The following KIAA0825 variants were observed in gnomAD, a reference collection of about 807,000 sequenced individuals.
KIAA0825 encodes the protein KIAA0825, also known as uncharacterized protein KIAA0825.
KIAA0825 carries 119 observed loss-of-function variants against 147.6 expected under a neutral mutation model. The observed-to-expected ratio is 0.81, with a 90% CI of 0.69 to 0.94. The LOEUF (loss-of-function observed/expected upper bound fraction) is 0.94, where lower values mean the gene tolerates loss of function less well. KIAA0825 is among the 40% of genes least tolerant of loss of function. The probability of loss-of-function intolerance (pLI) is 0.00; values close to 1 mark genes in which losing one functional copy is unlikely to be tolerated. For missense variants in KIAA0825, 1,381 were observed against 1,472.7 expected, an observed-to-expected ratio of 0.94 and a Z score of 1.02; for synonymous variants, 470 against 518.1, an observed-to-expected ratio of 0.91 and a Z score of 1.26.
intron 20 of KIAA0825, among the ~76,000 whole-genome samples, chr5:94,236,174 A>G (rs1294743280): frequency 6.6e-6 from 1 of 152,252 alleles, no homozygotes; most frequent in Non-Finnish European, 1.5e-5. Context: ...AAGTCACTTG[A>G]AATCCACCTG....
chr5:94,571,222 G>A (rs754735272), intron 2 of KIAA0825, among the ~76,000 whole-genome samples: 1 of 152,156 alleles, frequency 6.6e-6, no homozygotes. Context: ...TATCATTGAT[G>A]TTGCAGTTTG....
chr5:94,604,771 C>T (rs980832307), intron 1 of KIAA0825, among the ~76,000 whole-genome samples: 1 of 152,094 alleles, frequency 6.6e-6, no homozygotes, highest in Admixed American at 6.6e-5. Flanking sequence ...ATTTATAGCA[C>T]TAAATGCCTA....
In KIAA0825 at chr5:94,386,583, A is replaced by G. The variant is rs1396658687; in HGVS notation, c.3457-179T>C. On this transcript the variant is annotated intron_variant, in intron 18 of 20. Coordinates refer to ENST00000682413, the MANE Select transcript of KIAA0825 (RefSeq NM_001145678.3). Reference sequence around the variant, plus strand: ...TAGTAGAGTACCAATCAGCATTGCAATAAACCCATCAAAAACAGGTTTACC... The same window carrying G: ...TAGTAGAGTACCAATCAGCATTGCAGTAAACCCATCAAAAACAGGTTTACC... Among the ~76,000 whole-genome samples, 66 of 152,200 alleles carry G rather than the reference A, an allele frequency of 4.3e-4. 1 individual carries two copies. Among genetic ancestry groups the G allele is most frequent in the Admixed American group, 4.3e-3 (66 of 15,278 alleles).
In KIAA0825 at chr5:94,452,986, ATGCAAGAAACC is replaced by A. The variant is rs1758613330; in HGVS notation, c.2319_2329del (p.Trp773CysfsTer33). On this transcript the variant is annotated frameshift_variant, in exon 13 of 21. Coordinates refer to ENST00000682413, the MANE Select transcript of KIAA0825 (RefSeq NM_001145678.3). LOFTEE classifies it high-confidence loss of function. ...GAGTAAAGAAGGGTAGAAATGTGAT[ATGCAAGAAACC>A]CAATATAATGGTTGCTTAAAAAATG... 6.5e-7 allele frequency: 1 copy of A among 1,527,238 alleles called. No individual in the cohort carries two copies. The highest frequency in any genetic ancestry group is 1.4e-5 in the African/African-American group (1 of 71,340). The allele number at this position is 1,527,238 out of a possible 1,614,324, so 94.6% of individuals were successfully genotyped here.
chr5:94,178,306 T>C (rs1387108727), intron 20 of KIAA0825, among the ~76,000 whole-genome samples: 2 of 152,048 alleles, frequency 1.3e-5, no homozygotes. Flanking sequence ...CTGATTTGTG[T>C]CTTATTGCAC....
At chr5:94,610,434 A>AG (rs951397968) in intron 1 of KIAA0825, among the ~76,000 whole-genome samples, 16 of 149,628 alleles carry the variant, frequency 1.1e-4, no homozygotes, top group Non-Finnish European at 2.1e-4. Flanking sequence ...CTCAAAAAAA[A>AG]AAAAAAGAAA....
intron 20 of KIAA0825, among the ~76,000 whole-genome samples, chr5:94,296,344 C>T (rs764241567): frequency 3.3e-5 from 5 of 152,062 alleles, no homozygotes; most frequent in African/African-American, 4.8e-5. Flanking sequence ...TGCTGGGCTC[C>T]GTGGGGGTGG....
chr5:94,345,797 G>T (rs956916669), intron 20 of KIAA0825, among the ~76,000 whole-genome samples: 9 of 151,912 alleles, frequency 5.9e-5, no homozygotes, highest in African/African-American at 1.9e-4. Context: ...CGGGAGCTTC[G>T]ACAAGACTCA....
chr5:94,435,484 G>A (rs1359336135), intron 14 of KIAA0825, among the ~76,000 whole-genome samples: 1 of 151,886 alleles, frequency 6.6e-6, no homozygotes, highest in African/African-American at 2.4e-5. Flanking sequence ...AGCATTTCAT[G>A]GTGTATATGT....
chr5:94,573,270 GT>G lies in KIAA0825; in HGVS notation c.-2+9162del, dbSNP rs534638768. ...ATGGAGACCAAGGTTCTTTTTAAGT[GT>G]TTTTTTTTTTTTTTTTTGAGAGGGA... On this transcript the variant is annotated intron_variant, in intron 2 of 20. Transcript: ENST00000682413. 2.2e-3 allele frequency among the ~76,000 whole-genome samples: 278 copies of G among 124,894 alleles called. 2 individuals are homozygous for G. The highest frequency in any genetic ancestry group is 0.011 in the East Asian group (49 of 4,298). 81.9% of individuals were successfully genotyped at this position (124,894 alleles called of 152,430 possible). A position where few individuals can be genotyped will look rare whatever the true frequency, so the allele number is the denominator to read the frequency against.
chr5:94,191,287 T>C (rs1307403860), intron 20 of KIAA0825, among the ~76,000 whole-genome samples: 1 of 152,190 alleles, frequency 6.6e-6, no homozygotes, highest in East Asian at 1.9e-4. Flanking sequence ...TTTGGCTACA[T>C]CCTGATGCTT....
At chr5:94,316,841 A>G (rs574554913) in intron 20 of KIAA0825, among the ~76,000 whole-genome samples, 1 of 151,920 alleles carries the variant, frequency 6.6e-6, no homozygotes, top group Non-Finnish European at 1.5e-5. Context: ...AAATATTGAA[A>G]GTGTCCCTTT....
intron 20 of KIAA0825, among the ~76,000 whole-genome samples, chr5:94,369,010 A>G (rs1184036916): frequency 1.3e-5 from 2 of 152,056 alleles, no homozygotes; most frequent in Non-Finnish European, 2.9e-5. Context: ...TCTACTAAAA[A>G]TACAAAAATT....
chr5:94,610,738 T>C (rs1585037009), intron 1 of KIAA0825, among the ~76,000 whole-genome samples: 1 of 119,206 alleles, frequency 8.4e-6, no homozygotes. Context: ...CACTCCAGCC[T>C]GGGTGACAGA....
chr5:94,544,629 C>G (rs1309573817), intron 2 of KIAA0825, among the ~76,000 whole-genome samples: 2 of 152,170 alleles, frequency 1.3e-5, no homozygotes, highest in Non-Finnish European at 2.9e-5. Context: ...CATGTCTTTA[C>G]TGACATTTCA....
intron 20 of KIAA0825, among the ~76,000 whole-genome samples, chr5:94,281,640 G>C (rs1164746878): frequency 1.3e-5 from 2 of 152,110 alleles, no homozygotes; most frequent in Non-Finnish European, 2.9e-5. Flanking sequence ...ATTGTAGGAT[G>C]TCTGGCAGCC....
chr5:94,474,491 AAAC>A, intron 7 of KIAA0825, among the ~76,000 whole-genome samples: 1 of 152,154 alleles, frequency 6.6e-6, no homozygotes, highest in Non-Finnish European at 1.5e-5. Flanking sequence ...TTTGCTAGAA[AAAC>A]AACAGAGTTG....
chr5:94,445,459 G>A (rs75834497), intron 13 of KIAA0825, among the ~76,000 whole-genome samples: 16,573 of 152,158 alleles, frequency 0.11, 956 homozygotes, highest in Middle Eastern at 0.19. Flanking sequence ...GGAGGAAGTA[G>A]ACTGTTGGAC....
chr5:94,172,139 G>A (rs939802464), intron 20 of KIAA0825, among the ~76,000 whole-genome samples: 1 of 152,058 alleles, frequency 6.6e-6, no homozygotes, highest in Non-Finnish European at 1.5e-5. Flanking sequence ...AAATTAGAGT[G>A]GAAAAAGTAT....
Sources: gnomAD v4.1 joint callset for allele counts (sites outside exome capture counted in the v4.1 genomes callset) on GRCh38, gnomAD v4.1.1 for gene constraint, MANE v1.5 for transcripts, NCBI Gene and HGNC (gene_info 2026-07-23, HGNC 2026-07-21) for gene names.